Variants in PAX7 observed in about 807,000 individuals in gnomAD.
PAX7 encodes paired box protein Pax-7.
A neutral mutation model predicts 50.7 loss-of-function variants in PAX7; 18 were observed. The ratio of observed to expected loss-of-function variants is 0.36; its 90% CI spans 0.25 to 0.53. The LOEUF (loss-of-function observed/expected upper bound fraction) is 0.53, where lower values mean the gene tolerates loss of function less well. Ranked by LOEUF, PAX7 falls within the 20% of genes least tolerant of loss-of-function variation. The pLI is 0.93. For synonymous variants in PAX7, 310 were observed against 290.4 expected (o/e 1.07, Z -0.69); for missense variants, 644 against 702.9 (o/e 0.92, Z 0.95).
At position 18,691,845 on chromosome 1, in the gene PAX7, C is replaced by T. The variant is rs780661244; in HGVS notation, c.678C>T (p.Ala226=). 8.1e-6 allele frequency: 13 copies of T among 1,613,630 alleles called. No homozygotes were observed. Among genetic ancestry groups the T allele is most frequent in the East Asian group, 2.2e-5 (1 of 44,870 alleles). The change falls in exon 5 of 9, where the codon GCC becomes GCT. Residue 226 remains alanine, a synonymous_variant. Coordinates refer to ENST00000420770, the MANE Select transcript of PAX7 (RefSeq NM_001135254.2). ...KQRRSRTTFT[A]EQLEELEKAF... The stretch of plus-strand genomic sequence containing the variant: ...GACGCAGTCGGACCACATTCACGGC[C>T]GAGCAGCTGGAGGAGCTGGAGAAGG...
intron 7 of PAX7, among the ~76,000 whole-genome samples, chr1:18,704,888 C>T (rs2089264652): frequency 6.6e-6 from 1 of 152,178 alleles, no homozygotes. Flanking sequence ...TCAATTTTCT[C>T]ATCTATGAAA....
At chr1:18,678,773 G>A (rs1288018673) in intron 4 of PAX7, among the ~76,000 whole-genome samples, 1 of 152,176 alleles carries the variant, frequency 6.6e-6, no homozygotes, top group Non-Finnish European at 1.5e-5. Flanking sequence ...TTAGACAACA[G>A]GAACTAATTT....
chr1:18,657,528 C>T (rs944256856), intron 4 of PAX7, among the ~76,000 whole-genome samples: 17 of 152,202 alleles, frequency 1.1e-4, no homozygotes, highest in African/African-American at 3.6e-4. Context: ...CTCTTTCCTC[C>T]TAAGAAGCTC....
In PAX7 at chr1:18,645,973, G is replaced by T. The variant is rs761335575; in HGVS notation, c.586+9602G>T. On this transcript the variant is annotated intron_variant, in intron 4 of 8. Coordinates refer to ENST00000420770, the MANE Select transcript of PAX7 (RefSeq NM_001135254.2). ...TCCTCACCCTGCAGCTCTCCTTCCCGCCTGGACTTCTTGAGTTCGAATTCA... is the reference window on the plus strand; with the variant it reads ...TCCTCACCCTGCAGCTCTCCTTCCCTCCTGGACTTCTTGAGTTCGAATTCA... 2.2e-4 allele frequency among the ~76,000 whole-genome samples: 34 copies of T among 152,150 alleles called. 1 individual carries two copies. Among genetic ancestry groups the T allele is most frequent in the Admixed American group, 2.1e-3 (32 of 15,282 alleles).
rs2089201152 is a variant in PAX7, at chr1:18,700,256, G to A, written c.787-397G>A. Among the ~76,000 whole-genome samples the A allele has an allele frequency of 6.6e-6, 1 of 152,156 alleles. No individual in the cohort carries two copies. The highest frequency in any genetic ancestry group is 2.4e-5 in the African/African-American group (1 of 41,504). On this transcript the variant is annotated intron_variant, in intron 5 of 8. Coordinates refer to ENST00000420770, the MANE Select transcript of PAX7 (RefSeq NM_001135254.2). This position sits in a 1 kb window ranked among gnomAD's most constrained non-coding sequence, Gnocchi z 4.8. ...CAGATGCGTGGCTTCCTCCTGGGGG[G>A]CTTCCTGGAGGAGGTGGTCAAGCAG...
In PAX7 at chr1:18,632,452, C is replaced by G. The variant is rs2743181; in HGVS notation, c.85+764C>G. ...GCCCGCCCGGGGAGACCCGATAGGA[C>G]GGGCGGCGGCGAACCGGGTCCTGGC... On this transcript the variant is annotated intron_variant, in intron 1 of 8. Coordinates refer to ENST00000420770, the MANE Select transcript of PAX7 (RefSeq NM_001135254.2). The surrounding 1 kb of genome is among the most constrained non-coding windows in gnomAD (Gnocchi z 6.3). Among the ~76,000 whole-genome samples, 10 of 151,968 alleles carry G rather than the reference C, an allele frequency of 6.6e-5. No individual in the cohort carries two copies. The highest frequency in any genetic ancestry group is 1.3e-4 in the Non-Finnish European group (9 of 68,004).
At chr1:18,670,032 G>A (rs61760715) in intron 4 of PAX7, among the ~76,000 whole-genome samples, 4,228 of 141,968 alleles carry the variant, frequency 0.03, 111 homozygotes, top group South Asian at 0.11. Context: ...GCAGTGAGCC[G>A]AGATCGTGCC....
intron 4 of PAX7, among the ~76,000 whole-genome samples, chr1:18,653,431 G>A (rs554483404): frequency 2.0e-5 from 3 of 152,248 alleles, no homozygotes; most frequent in South Asian, 2.1e-4. Flanking sequence ...AGGAAGTGGC[G>A]TTGGTTTGTG....
Position 18,726,270 on chromosome 1 carries a change from A to G in PAX7, c.1156-9362A>G, listed in dbSNP as rs2089570696. On this transcript the variant is annotated intron_variant, in intron 7 of 8. Transcript: ENST00000420770. This position sits in a 1 kb window ranked among gnomAD's most constrained non-coding sequence, Gnocchi z 4.8. ...AGACAGTCCTTAACTAAAAGCCTCC[A>G]AGGACCCCTGGAATGGGGAGGGGGC... 6.6e-6 allele frequency among the ~76,000 whole-genome samples: 1 copy of G among 152,082 alleles called. No individual in the cohort carries two copies. Among genetic ancestry groups the G allele is most frequent in the Non-Finnish European group, 1.5e-5 (1 of 68,000 alleles).
intron 4 of PAX7, among the ~76,000 whole-genome samples, chr1:18,680,993 C>A (rs928389754): frequency 6.6e-6 from 1 of 151,978 alleles, no homozygotes; most frequent in East Asian, 1.9e-4. Context: ...CATGGAGAAA[C>A]CCACTCTCTA....
chr1:18,686,108 C>T (rs1036389242), intron 4 of PAX7, among the ~76,000 whole-genome samples: 5 of 152,240 alleles, frequency 3.3e-5, no homozygotes, highest in South Asian at 2.1e-4. Flanking sequence ...TCCTGTGCCC[C>T]GGTTCATCTG....
chr1:18,724,641 C>G (rs1460354638), intron 7 of PAX7, among the ~76,000 whole-genome samples: 1 of 151,438 alleles, frequency 6.6e-6, no homozygotes, highest in Non-Finnish European at 1.5e-5. Flanking sequence ...TGGGTGGATG[C>G]TAGAAACAGA....
chr1:18,670,275 G>A (rs2088724691), intron 4 of PAX7, among the ~76,000 whole-genome samples: 1 of 152,142 alleles, frequency 6.6e-6, no homozygotes, highest in Non-Finnish European at 1.5e-5. Flanking sequence ...TCCAGCAAAT[G>A]ATCCCAACTA....
At chr1:18,674,683 C>T (rs558276740) in intron 4 of PAX7, among the ~76,000 whole-genome samples, 4 of 152,322 alleles carry the variant, frequency 2.6e-5, no homozygotes, top group African/African-American at 4.8e-5. Flanking sequence ...GGCATGGCAC[C>T]GCTGTCTGTC....
At chr1:18,719,431 G>C (rs538214543) in intron 7 of PAX7, among the ~76,000 whole-genome samples, 1 of 152,220 alleles carries the variant, frequency 6.6e-6, no homozygotes, top group African/African-American at 2.4e-5. Flanking sequence ...GACAGTGTGC[G>C]CTCTCGGAAC....
At chr1:18,731,997 GGTGTATCTC>G (rs2089652563) in intron 7 of PAX7, among the ~76,000 whole-genome samples, 2 of 152,078 alleles carry the variant, frequency 1.3e-5, no homozygotes, top group Non-Finnish European at 2.9e-5. Flanking sequence ...AAACCTGCTG[GGTGTATCTC>G]GTGATTCAGC....
At chr1:18,645,155 C>A (rs941523941) in intron 4 of PAX7, among the ~76,000 whole-genome samples, 4 of 152,164 alleles carry the variant, frequency 2.6e-5, no homozygotes, top group Non-Finnish European at 4.4e-5. Context: ...CGCGCGCGTG[C>A]GTGCGCACGA....
At chr1:18,734,328 G>A (rs572935323) in intron 7 of PAX7, among the ~76,000 whole-genome samples, 49 of 152,070 alleles carry the variant, frequency 3.2e-4, no homozygotes, top group South Asian at 8.3e-4. Context: ...CATAAAGGGC[G>A]GCATCACCAG....
chr1:18,727,265 C>G (rs373731390), intron 7 of PAX7, among the ~76,000 whole-genome samples: 2 of 117,084 alleles, frequency 1.7e-5, no homozygotes, highest in African/African-American at 6.9e-5. Flanking sequence ...CACACACACA[C>G]AGTACTTCCA....
Sources: allele counts gnomAD v4.1 joint callset (sites outside exome capture counted in the v4.1 genomes callset), GRCh38; gene constraint gnomAD v4.1.1; non-coding constraint Gnocchi (gnomAD v3.1); transcripts MANE v1.5; gene names NCBI Gene and HGNC (gene_info 2026-07-23, HGNC 2026-07-21).